SEPTIN2: variants seen among roughly 807,000 people sequenced by gnomAD.
SEPTIN2 encodes the protein septin 2.
SEPTIN2 carries 34 observed loss-of-function variants against 46.5 expected under a neutral mutation model. That is an observed-to-expected ratio of 0.73 (90% CI 0.56 to 0.97). SEPTIN2 has a LOEUF of 0.97. SEPTIN2 is among the 50% of genes least tolerant of loss of function. The pLI is 0.00. For synonymous variants in SEPTIN2, 175 were observed against 153.4 expected (o/e 1.14, Z -1.04); for missense variants, 347 against 448.4 (o/e 0.77, Z 2.04).
rs1386947053 is a variant in SEPTIN2, at chr2:241,320,486, AT to A, written c.-17-3727del. On this transcript the variant is annotated intron_variant, in intron 1 of 12. Coordinates refer to ENST00000391971, the MANE Select transcript of SEPTIN2 (RefSeq NM_004404.5). ...TTTTCCTGAATTGGGCTTGTGAGGAATTTGTTTTAGAAAACCAGCTTTTGCG... is the reference window on the plus strand; with the variant it reads ...TTTTCCTGAATTGGGCTTGTGAGGAATTGTTTTAGAAAACCAGCTTTTGCG... 7.2e-5 allele frequency among the ~76,000 whole-genome samples: 11 copies of A among 152,248 alleles called. No individual in the cohort carries two copies. The East Asian group carries it at 2.1e-3, about 29-fold the overall frequency.
intron 3 of SEPTIN2, among the ~76,000 whole-genome samples, chr2:241,333,403 C>G (rs1418838354): frequency 6.6e-6 from 1 of 152,148 alleles, no homozygotes; most frequent in Non-Finnish European, 1.5e-5. Context: ...CAAATTTTTA[C>G]ACTCATATTT....
At chr2:241,334,785 T>C (rs1217334791) in intron 3 of SEPTIN2, among the ~76,000 whole-genome samples, 1 of 152,188 alleles carries the variant, frequency 6.6e-6, no homozygotes, top group Non-Finnish European at 1.5e-5. Context: ...AAAACCTGCT[T>C]TGCATTCTAT....
chr2:241,322,813 C>G (rs931724969), intron 1 of SEPTIN2, among the ~76,000 whole-genome samples: 1 of 152,120 alleles, frequency 6.6e-6, no homozygotes, highest in African/African-American at 2.4e-5. Context: ...TTACAGTGCT[C>G]TATGTAATGA....
intron 3 of SEPTIN2, among the ~76,000 whole-genome samples, chr2:241,326,672 C>G (rs1211209710): frequency 1.3e-5 from 2 of 151,804 alleles, no homozygotes; most frequent in African/African-American, 2.4e-5. Context: ...TGCCTCTTCT[C>G]AAATTACTCA....
At chr2:241,346,066 A>C (rs2060204550) in intron 9 of SEPTIN2, 100 bp from the exon 10 acceptor site, 1 of 761,656 alleles carries the variant, frequency 1.3e-6, no homozygotes, top group Admixed American at 2.3e-5. Flanking sequence ...AAGTAATTTT[A>C]ATTACTGCTA....
chr2:241,338,659 TTATATC>T (rs1559641618), intron 7 of SEPTIN2, among the ~76,000 whole-genome samples: 2 of 128,728 alleles, frequency 1.6e-5, no homozygotes, highest in Admixed American at 9.5e-5. Context: ...TACATATATA[TTATATC>T]TATATTATTT....
intron 5 of SEPTIN2, 196 bp downstream of exon 5, chr2:241,336,294 T>A: frequency 3.4e-6 from 2 of 594,890 alleles, no homozygotes; most frequent in South Asian, 4.5e-5. Context: ...GGTACTCTAC[T>A]GTAATTTGAG....
intron 4 of SEPTIN2, chr2:241,335,601 A>C: frequency 1.7e-6 from 1 of 589,632 alleles, no homozygotes; most frequent in Admixed American, 3.0e-5. Context: ...CAGCATCCAC[A>C]AATGACTGTT....
intron 10 of SEPTIN2, among the ~76,000 whole-genome samples, chr2:241,347,753 G>T (rs1408056285): frequency 1.3e-5 from 2 of 152,140 alleles, no homozygotes; most frequent in Non-Finnish European, 2.9e-5. Context: ...GGGCGTGGTG[G>T]CTCATGCCTG....
chr2:241,328,715 C>A (rs965576964), intron 3 of SEPTIN2, among the ~76,000 whole-genome samples: 2 of 151,592 alleles, frequency 1.3e-5, no homozygotes, highest in Non-Finnish European at 2.9e-5. Flanking sequence ...GCACTCCAGC[C>A]GGGGCAACAA....
At chr2:241,338,163 T>C (rs1559639727) in intron 7 of SEPTIN2, among the ~76,000 whole-genome samples, 1 of 152,108 alleles carries the variant, frequency 6.6e-6, no homozygotes, top group Non-Finnish European at 1.5e-5. Flanking sequence ...CAAGGATGTA[T>C]CTAAGTAGAC....
chr2:241,327,826 G>T (rs992277883), intron 3 of SEPTIN2, among the ~76,000 whole-genome samples: 4 of 151,810 alleles, frequency 2.6e-5, no homozygotes, highest in African/African-American at 9.7e-5. Context: ...CAACATGGGT[G>T]GATCACTTCA....
intron 10 of SEPTIN2, 96 bp downstream of exon 10, chr2:241,346,345 G>A: frequency 2.4e-6 from 2 of 841,342 alleles, no homozygotes; most frequent in Admixed American, 5.4e-5. Flanking sequence ...TGACCATTAA[G>A]CAACATGGTT....
At chr2:241,317,700 A>G (rs1479411676) in intron 1 of SEPTIN2, 2 of 268,742 alleles carry the variant, frequency 7.4e-6, no homozygotes, top group Non-Finnish European at 1.1e-5. Context: ...CTGAACGTGG[A>G]CCTTCCCCGA....
At chr2:241,322,605 CAA>C (rs111928970) in intron 1 of SEPTIN2, among the ~76,000 whole-genome samples, 6 of 100,678 alleles carry the variant, frequency 6.0e-5, no homozygotes, top group Non-Finnish European at 2.1e-5. Context: ...GACTCCGTCT[CAA>C]AAAAAAAAAA....
At chr2:241,345,094 CAA>C (rs902217087) in intron 9 of SEPTIN2, among the ~76,000 whole-genome samples, 1 of 151,218 alleles carries the variant, frequency 6.6e-6, no homozygotes, top group Non-Finnish European at 1.5e-5. Context: ...GCCTGGGCAA[CAA>C]GAGCAAGACT....
intron 9 of SEPTIN2, 134 bp downstream of exon 9, chr2:241,344,031 A>G (rs932215156): frequency 1.1e-5 from 12 of 1,115,086 alleles, no homozygotes; most frequent in Non-Finnish European, 1.6e-5. Flanking sequence ...CTCACATCGC[A>G]GAAGTGGTGT....
At chr2:241,338,170 A>G (rs959513806) in intron 7 of SEPTIN2, among the ~76,000 whole-genome samples, 1 of 152,148 alleles carries the variant, frequency 6.6e-6, no homozygotes, top group African/African-American at 2.4e-5. Context: ...GTATCTAAGT[A>G]GACTGGTTCT....
At chr2:241,324,720 T>C (rs2077667715) in intron 2 of SEPTIN2, 1 of 191,176 alleles carries the variant, frequency 5.2e-6, no homozygotes, top group African/African-American at 2.4e-5. Flanking sequence ...CTTTCTCTTT[T>C]TTCAGGCTTC....
Sources: allele counts gnomAD v4.1 joint callset (sites outside exome capture counted in the v4.1 genomes callset), GRCh38; gene constraint gnomAD v4.1.1; transcripts MANE v1.5; gene names NCBI Gene and HGNC (gene_info 2026-07-23, HGNC 2026-07-21).